The following RHBDL2 variants were observed in gnomAD, a reference collection of about 807,000 sequenced individuals.
The protein encoded by RHBDL2 is rhomboid like 2, also known as rhomboid-related protein 2.
In RHBDL2, 26 loss-of-function variants were observed where a neutral mutation model predicts 31.7. The ratio of observed to expected loss-of-function variants is 0.82; its 90% CI spans 0.60 to 1.14. The LOEUF is 1.14. Ranked by LOEUF, RHBDL2 falls within the 50% of genes most tolerant of loss-of-function variation. The pLI is 0.00. For missense variants in RHBDL2, 336 were observed against 364.4 expected (o/e 0.92, Z 0.63); for synonymous variants, 123 against 127.2 (o/e 0.97, Z 0.22).
At chr1:38,937,083 G>T (rs1432191909) in intron 1 of RHBDL2, among the ~76,000 whole-genome samples, 1 of 151,890 alleles carries the variant, frequency 6.6e-6, no homozygotes, top group Non-Finnish European at 1.5e-5. Context: ...AAGTAGCTGA[G>T]ACTACAGGCA....
intron 2 of RHBDL2, among the ~76,000 whole-genome samples, chr1:38,917,256 A>G (rs907795443): frequency 2.0e-5 from 3 of 152,000 alleles, no homozygotes; most frequent in Admixed American, 2.0e-4. Flanking sequence ...TGACCTTGTG[A>G]TCCGCCCACC....
chr1:38,921,209 C>T (rs1643310503), intron 1 of RHBDL2, among the ~76,000 whole-genome samples: 2 of 152,102 alleles, frequency 1.3e-5, no homozygotes, highest in South Asian at 4.1e-4. Context: ...TGGTGAAACG[C>T]CATCTCTACT....
intron 1 of RHBDL2, among the ~76,000 whole-genome samples, chr1:38,923,660 T>C (rs2124344465): frequency 6.6e-6 from 1 of 152,334 alleles, no homozygotes; most frequent in Non-Finnish European, 1.5e-5. Context: ...AACAAAATAA[T>C]GATTACAACA....
At chr1:38,937,092 C>T (rs533152887) in intron 1 of RHBDL2, among the ~76,000 whole-genome samples, 9 of 152,102 alleles carry the variant, frequency 5.9e-5, no homozygotes, top group Admixed American at 3.3e-4. Flanking sequence ...AGACTACAGG[C>T]ACCCGCCACC....
chr1:38,919,410 T>C, intron 1 of RHBDL2, 73 bp from the exon 2 acceptor site: 1 of 1,402,262 alleles, frequency 7.1e-7, no homozygotes, highest in East Asian at 2.5e-5. Flanking sequence ...AAATAAAGTT[T>C]TCTATGTAAT....
chr1:38,894,344 G>A (rs1642888618), intron 5 of RHBDL2, among the ~76,000 whole-genome samples: 1 of 151,868 alleles, frequency 6.6e-6, no homozygotes, highest in African/African-American at 2.4e-5. Flanking sequence ...TGTTGTTTGA[G>A]TTGGAGTCTC....
rs1014154113 is a variant in RHBDL2, at chr1:38,929,426, T to C, written c.-125-10089A>G. ...TTCTTCGCCTCACCCAGGAAGGCCC[T>C]GGCAAGGCCAACACCCTTATGACAA... On this transcript the variant is annotated intron_variant, in intron 1 of 7. Transcript: ENST00000372990. 1.3e-5 allele frequency: 17 copies of C among 1,289,332 alleles called. No homozygotes were observed. In the Admixed American group the frequency reaches 3.4e-4, roughly 26 times the overall value. The allele number at this position is 1,289,332 out of a possible 1,614,324, so 79.9% of individuals were successfully genotyped here.
At chr1:38,913,191 C>T (rs889715023) in intron 3 of RHBDL2, among the ~76,000 whole-genome samples, 1 of 151,888 alleles carries the variant, frequency 6.6e-6, no homozygotes, top group Admixed American at 6.6e-5. Flanking sequence ...CCATGTTGGC[C>T]AGGCTGGTCT....
chr1:38,887,653 G>C (rs1444608654), intron 7 of RHBDL2, among the ~76,000 whole-genome samples: 4 of 151,510 alleles, frequency 2.6e-5, no homozygotes, highest in African/African-American at 9.7e-5. Flanking sequence ...TCAAACTCCT[G>C]ACCCTGTGAT....
At chr1:38,900,983 G>A (rs575012869) in intron 4 of RHBDL2, among the ~76,000 whole-genome samples, 166 of 152,012 alleles carry the variant, frequency 1.1e-3, no homozygotes, top group Middle Eastern at 0.01. Flanking sequence ...AGGAGGCAGA[G>A]GCTACAGTGA....
In RHBDL2 at chr1:38,915,741, C is replaced by T. The variant is rs777349091; in HGVS notation, c.247-31G>A. 30 of 1,612,698 alleles carry T rather than the reference C, an allele frequency of 1.9e-5. No individual in the cohort carries two copies. In the East Asian group the frequency reaches 3.1e-4, roughly 17 times the overall value. On this transcript the variant is annotated intron_variant, in intron 2 of 7. Transcript: ENST00000372990. ...GGAGGGAGCAGACATGAGTATTAAC[C>T]ACACCTTCTCCAGAGAGGGGCCCCA...
Position 38,915,621 on chromosome 1 carries a change from G to A in RHBDL2, c.336C>T (p.Tyr112=). Residue 112 remains tyrosine (Y), a synonymous_variant, in exon 3 of 8, where the codon TAC becomes TAT. Coordinates refer to ENST00000372990, the MANE Select transcript of RHBDL2 (RefSeq NM_017821.5). ...DTGILESPFI[Y]SPEKREEAWR... ...AGGCTTCCTCCCTCTTCTCAGGACT[G>A]TAGATAAAGGGACTCTCCAAGATGC... 1.9e-6 allele frequency: 3 copies of A among 1,614,000 alleles called. No individual in the cohort carries two copies. The highest frequency in any genetic ancestry group is 2.5e-6 in the Non-Finnish European group (3 of 1,179,876).
intron 1 of RHBDL2, among the ~76,000 whole-genome samples, chr1:38,933,108 G>A (rs1376715842): frequency 6.6e-6 from 1 of 152,140 alleles, no homozygotes; most frequent in Non-Finnish European, 1.5e-5. Flanking sequence ...GATCCTATAT[G>A]ACCTAGCTCC....
chr1:38,933,381 T>C (rs963075296), intron 1 of RHBDL2, among the ~76,000 whole-genome samples: 2 of 152,174 alleles, frequency 1.3e-5, no homozygotes, highest in African/African-American at 4.8e-5. Context: ...CTCTACTACA[T>C]TTCCCCACTT....
intron 3 of RHBDL2, among the ~76,000 whole-genome samples, chr1:38,912,910 A>ATATATATATATATATGTGTG (rs1399583863): frequency 7.3e-5 from 3 of 41,370 alleles, no homozygotes; most frequent in African/African-American, 2.8e-4. Flanking sequence ...ATATATATAT[A>ATATATATATATATATGTGTG]TGTGTGTGTG....
chr1:38,886,596 T>C lies in RHBDL2; in HGVS notation c.820A>G (p.Lys274Glu), dbSNP rs772046857. ...VFSCFDKALL[K>E]DPRFWIAIAA... ...ATTGCTATCCAAAACCTTGGATCTTTCAGCAGTGCTTTATCAAAGCAGCTA... is the reference window on the plus strand; with the variant it reads ...ATTGCTATCCAAAACCTTGGATCTTCCAGCAGTGCTTTATCAAAGCAGCTA... Residue 274 changes from lysine to glutamate, a missense_variant, in exon 8 of 8, where the codon AAA becomes GAA. Physicochemically the swap from Lys to Glu is moderately conservative, Grantham distance 56. Transcript: ENST00000372990. 5 of 1,609,510 alleles carry C rather than the reference T, an allele frequency of 3.1e-6. No homozygotes were observed. In the East Asian group the frequency reaches 1.1e-4, roughly 36 times the overall value.
intron 3 of RHBDL2, among the ~76,000 whole-genome samples, chr1:38,914,020 G>C (rs1047725201): frequency 2.6e-5 from 4 of 151,854 alleles, no homozygotes; most frequent in African/African-American, 9.7e-5. Flanking sequence ...GGGAAGCTGA[G>C]GCAGGAGAAT....
intron 1 of RHBDL2, among the ~76,000 whole-genome samples, chr1:38,921,437 T>G (rs1455949425): frequency 1.3e-5 from 2 of 152,122 alleles, no homozygotes; most frequent in African/African-American, 4.8e-5. Context: ...AATTATTAGT[T>G]GTTATTGGCT....
chr1:38,928,165 G>A (rs989188905), intron 1 of RHBDL2, among the ~76,000 whole-genome samples: 145 of 134,606 alleles, frequency 1.1e-3, no homozygotes, highest in African/African-American at 3.8e-3. Context: ...TTTTTGAGAC[G>A]GAGTCTCGCT....
Sources: allele counts gnomAD v4.1 joint callset (sites outside exome capture counted in the v4.1 genomes callset), GRCh38; gene constraint gnomAD v4.1.1; transcripts MANE v1.5; gene names NCBI Gene and HGNC (gene_info 2026-07-23, HGNC 2026-07-21).